Variants in ADGRB3 observed in about 807,000 individuals in gnomAD.
ADGRB3 encodes the protein adhesion G protein-coupled receptor B3.
Under a neutral mutation model 193.4 loss-of-function variants are expected in ADGRB3, and 37 were observed. That is an observed-to-expected ratio of 0.19 (90% confidence interval 0.15 to 0.25). The LOEUF (loss-of-function observed/expected upper bound fraction) is 0.25. Among genes scored for constraint, ADGRB3 ranks in the 10% least tolerant of loss-of-function variants. ADGRB3 has a pLI of 1.00. For missense variants in ADGRB3, 1,637 were observed against 1,852.9 expected, an observed-to-expected ratio of 0.88 and a Z score of 2.14; for synonymous variants, 690 against 644.2, an observed-to-expected ratio of 1.07 and a Z score of -1.08.
chr6:68,859,170 CTT>C (rs1487390634), intron 3 of ADGRB3, among the ~76,000 whole-genome samples: 4 of 152,140 alleles, frequency 2.6e-5, no homozygotes, highest in Non-Finnish European at 4.4e-5. Context: ...CTGCCAGTCT[CTT>C]TGTATAGCAA....
intron 6 of ADGRB3, among the ~76,000 whole-genome samples, chr6:68,947,056 T>C (rs921150219): frequency 1.5e-4 from 23 of 152,044 alleles, no homozygotes; most frequent in African/African-American, 5.3e-4. Context: ...CTAGTGTGAG[T>C]TGTTAGTTAC....
chr6:69,008,177 ACTGT>A (rs930540293), intron 11 of ADGRB3, among the ~76,000 whole-genome samples: 1 of 152,126 alleles, frequency 6.6e-6, no homozygotes, highest in Non-Finnish European at 1.5e-5. Context: ...TGCTGCAATC[ACTGT>A]CTGAAATCAT....
intron 20 of ADGRB3, among the ~76,000 whole-genome samples, chr6:69,284,079 G>A (rs903024200): frequency 6.6e-6 from 1 of 152,096 alleles, no homozygotes; most frequent in African/African-American, 2.4e-5. Context: ...GTTCTATAAG[G>A]TGATAAAGAA....
intron 17 of ADGRB3, among the ~76,000 whole-genome samples, chr6:69,133,433 C>T (rs1308523044): frequency 6.6e-6 from 1 of 151,498 alleles, no homozygotes; most frequent in Non-Finnish European, 1.5e-5. Context: ...AGTTGAATCC[C>T]TGAACAGACC....
intron 20 of ADGRB3, among the ~76,000 whole-genome samples, chr6:69,287,371 A>G (rs1476584453): frequency 1.3e-5 from 2 of 152,194 alleles, no homozygotes; most frequent in Non-Finnish European, 2.9e-5. Context: ...AACTCTTTAC[A>G]TGTGAATTTT....
rs772177600 is a variant in ADGRB3 at position 68,639,180 on chromosome 6, C to G, written c.505C>G (p.His169Asp). 1.4e-5 allele frequency: 23 copies of G among 1,613,904 alleles called. No individual in the cohort carries two copies. The Admixed American group carries it at 3.0e-4, about 21-fold the overall frequency. The change falls in exon 3 of 32, where the codon CAT (histidine) becomes GAT (aspartate). Residue 169 changes from histidine (H) to aspartate (D), a missense_variant. Physicochemically the swap from His to Asp is moderately conservative, Grantham distance 81. This residue lies in a region of ADGRB3 where 365 missense variants were observed against 409.8 expected (regional missense o/e 0.89). Coordinates refer to ENST00000370598, the MANE Select transcript of ADGRB3 (RefSeq NM_001704.3). ...GGTCAGCCCAAGCCAGTTTGGTTGC[C>G]ATGTATTATGTACTTGGTTGGAGAG... ...NKVSPSQFGC[H>D]VLCTWLESCL... is the part of the protein sequence containing the mutation.
chr6:68,960,045 C>T (rs202024885), intron 8 of ADGRB3, among the ~76,000 whole-genome samples: 1 of 152,140 alleles, frequency 6.6e-6, no homozygotes, highest in East Asian at 1.9e-4. Context: ...GCAAGTGTTA[C>T]TGCTGGACTG....
intron 20 of ADGRB3, among the ~76,000 whole-genome samples, chr6:69,318,068 A>T (rs1161225998): frequency 6.6e-6 from 1 of 151,352 alleles, no homozygotes; most frequent in African/African-American, 2.4e-5. Context: ...GTGTATCTTT[A>T]TTTTTGTCTT....
intron 20 of ADGRB3, among the ~76,000 whole-genome samples, chr6:69,291,865 C>T (rs910868812): frequency 2.8e-4 from 43 of 152,252 alleles, no homozygotes; most frequent in African/African-American, 9.9e-4. Context: ...GATCATAAAA[C>T]CTAAGAAGGA....
In ADGRB3 at chr6:69,229,855, C is replaced by T. The variant is rs1240669223; in HGVS notation, c.2481-3435C>T. On this transcript the variant is annotated intron_variant, in intron 17 of 31. Transcript: ENST00000370598. Reference sequence around the variant, plus strand: ...GAAACCATGTAGACTCCTAGGAAACCGGGGAAAGGCATCAAGTAAATATTA... The same window carrying T: ...GAAACCATGTAGACTCCTAGGAAACTGGGGAAAGGCATCAAGTAAATATTA... Among the ~76,000 whole-genome samples the T allele has an allele frequency of 3.3e-5, 5 of 152,200 alleles. No homozygotes were observed. In the South Asian group the frequency reaches 6.2e-4, roughly 19 times the overall value.
chr6:69,013,713 G>A lies in ADGRB3; in HGVS notation c.1930-325G>A, dbSNP rs1438400988. The stretch of plus-strand genomic sequence containing the variant: ...AATACAGATGACTTTCATTACAGAC[G>A]GGATCAAACTTACTTGTATGGAATA... On this transcript the variant is annotated intron_variant, in intron 11 of 31. Transcript: ENST00000370598. 3.9e-5 allele frequency among the ~76,000 whole-genome samples: 6 copies of A among 152,082 alleles called. 1 individual carries two copies. The highest frequency in any genetic ancestry group is 6.6e-5 in the Admixed American group (1 of 15,264).
intron 16 of ADGRB3, among the ~76,000 whole-genome samples, chr6:69,075,633 A>G (rs1028119907): frequency 6.6e-6 from 1 of 152,182 alleles, no homozygotes; most frequent in Non-Finnish European, 1.5e-5. Context: ...AATATTGTGA[A>G]TACTGTAATC....
intron 20 of ADGRB3, among the ~76,000 whole-genome samples, chr6:69,261,881 A>T (rs893445798): frequency 2.0e-5 from 3 of 152,076 alleles, no homozygotes; most frequent in Admixed American, 6.5e-5. Flanking sequence ...TATTAATACT[A>T]GAATAAAAAT....
chr6:68,891,252 C>G (rs1031139821), intron 3 of ADGRB3, among the ~76,000 whole-genome samples: 2 of 152,182 alleles, frequency 1.3e-5, no homozygotes, highest in African/African-American at 4.8e-5. Flanking sequence ...TAGGTCCCTC[C>G]CGCAACACGT....
intron 11 of ADGRB3, among the ~76,000 whole-genome samples, chr6:68,996,514 C>T (rs1006060007): frequency 1.1e-4 from 17 of 152,270 alleles, no homozygotes; most frequent in African/African-American, 4.1e-4. Context: ...TGTAGGTTAC[C>T]TACCTTTCCA....
At chr6:69,100,451 G>C (rs189666909) in intron 17 of ADGRB3, among the ~76,000 whole-genome samples, 58 of 152,230 alleles carry the variant, frequency 3.8e-4, no homozygotes, top group Admixed American at 3.7e-3. Flanking sequence ...GAGAGACAGA[G>C]ATAAAAAGAG....
At chr6:69,015,849 A>G (rs1314955905) in intron 12 of ADGRB3, among the ~76,000 whole-genome samples, 1 of 152,000 alleles carries the variant, frequency 6.6e-6, no homozygotes, top group Non-Finnish European at 1.5e-5. Context: ...AAAGTTAAAA[A>G]AAAAAACTAC....
chr6:68,853,934 C>T (rs547307712), intron 3 of ADGRB3, among the ~76,000 whole-genome samples: 7 of 152,188 alleles, frequency 4.6e-5, no homozygotes, highest in East Asian at 3.9e-4. Flanking sequence ...CATGCATGTG[C>T]GAAGGGAATT....
At chr6:68,849,480 G>A (rs549753102) in intron 3 of ADGRB3, among the ~76,000 whole-genome samples, 5 of 152,032 alleles carry the variant, frequency 3.3e-5, no homozygotes, top group Admixed American at 2.0e-4. Flanking sequence ...AGTTCAATTA[G>A]TATTCAGCTA....
Sources: allele counts gnomAD v4.1 joint callset (sites outside exome capture counted in the v4.1 genomes callset), GRCh38; gene constraint gnomAD v4.1.1; regional missense constraint gnomAD v4.1.1; transcripts MANE v1.5; gene names NCBI Gene and HGNC (gene_info 2026-07-23, HGNC 2026-07-21).